The following KLF12 variants were observed in gnomAD, a reference collection of about 807,000 sequenced individuals.
KLF12 encodes the protein Krueppel-like factor 12.
In KLF12, 9 loss-of-function variants were observed where a neutral mutation model predicts 37.8. The ratio of observed to expected loss-of-function variants is 0.24; its 90% CI spans 0.14 to 0.42. The LOEUF is 0.42. KLF12 is among the 10% of genes least tolerant of loss of function. KLF12 has a pLI of 1.00. For synonymous variants in KLF12, 208 were observed against 202.1 expected (o/e 1.03, Z -0.25); for missense variants, 411 against 516.0 (o/e 0.80, Z 1.97).
intron 1 of KLF12, among the ~76,000 whole-genome samples, chr13:74,126,192 A>C (rs2139004875): frequency 6.6e-6 from 1 of 152,356 alleles, no homozygotes; most frequent in South Asian, 2.1e-4. Flanking sequence ...TACATATGAT[A>C]CATAGGCTAT....
At chr13:73,913,532 C>T (rs1378031426) in intron 3 of KLF12, among the ~76,000 whole-genome samples, 2 of 152,142 alleles carry the variant, frequency 1.3e-5, no homozygotes, top group African/African-American at 2.4e-5. Context: ...TTCCTTCCTA[C>T]CAATACAATG....
the KLF12 span, chr13:74,289,235 T>C: frequency 6.6e-6 from 1 of 152,198 alleles, no homozygotes; most frequent in Non-Finnish European, 1.5e-5. Context: ...AATTTTAAGT[T>C]AGAGAAGCCA....
intron 1 of KLF12, among the ~76,000 whole-genome samples, chr13:74,021,387 G>T (rs1412729091): frequency 1.3e-5 from 2 of 152,102 alleles, no homozygotes; most frequent in Non-Finnish European, 2.9e-5. Flanking sequence ...GCAGTTGATT[G>T]TAATTCCATG....
At chr13:74,121,519 T>A (rs1403297680) in intron 1 of KLF12, among the ~76,000 whole-genome samples, 1 of 152,016 alleles carries the variant, frequency 6.6e-6, no homozygotes, top group Non-Finnish European at 1.5e-5. Context: ...CAGCTATGCA[T>A]AAGATCAAAG....
At chr13:74,010,616 G>C (rs1432002198) in intron 1 of KLF12, among the ~76,000 whole-genome samples, 1 of 152,118 alleles carries the variant, frequency 6.6e-6, no homozygotes, top group Admixed American at 6.5e-5. Flanking sequence ...GGCGTTTGTA[G>C]TTATTATTTT....
chr13:73,706,590 A>T (rs1443378253), intron 7 of KLF12, among the ~76,000 whole-genome samples: 1 of 152,142 alleles, frequency 6.6e-6, no homozygotes, highest in South Asian at 2.1e-4. Context: ...TACCAATCCA[A>T]ATTTTTTGTT....
the KLF12 span, among the ~76,000 whole-genome samples, chr13:74,303,046 G>T: frequency 2.0e-5 from 3 of 152,050 alleles, no homozygotes; most frequent in South Asian, 6.2e-4. Flanking sequence ...ACGCCAAGTG[G>T]TATTGATTGT....
intron 1 of KLF12, among the ~76,000 whole-genome samples, chr13:74,085,255 CG>C (rs1875200366): frequency 6.6e-6 from 1 of 152,120 alleles, no homozygotes; most frequent in Non-Finnish European, 1.5e-5. Context: ...TATGCAAAAA[CG>C]GGGATACCTC....
chr13:74,287,188 G>A, the KLF12 span, among the ~76,000 whole-genome samples: 73 of 152,182 alleles, frequency 4.8e-4, no homozygotes, highest in Admixed American at 1.6e-3. Context: ...ACTAGGTAAG[G>A]GGCTGGCTGC....
rs145250663 is a variant in KLF12, at chr13:73,835,262, G to A, written c.670+10565C>T. Among the ~76,000 whole-genome samples the A allele has an allele frequency of 1.5e-3, 230 of 152,086 alleles. 1 individual carries two copies. The highest frequency in any genetic ancestry group is 5.3e-3 in the African/African-American group (219 of 41,466). On this transcript the variant is annotated intron_variant, in intron 4 of 7. Transcript: ENST00000377669. ...GGCATGGAAGAAAAAATAATTAGGGGCATGGTAGAAAAAATAACTAGATTA... is the reference window on the plus strand; with the variant it reads ...GGCATGGAAGAAAAAATAATTAGGGACATGGTAGAAAAAATAACTAGATTA...
the KLF12 span, among the ~76,000 whole-genome samples, chr13:74,192,486 G>A: frequency 6.6e-6 from 1 of 152,204 alleles, no homozygotes; most frequent in Admixed American, 6.5e-5. Context: ...AATGTGTAAG[G>A]TGTAGAGGCT....
the KLF12 span, among the ~76,000 whole-genome samples, chr13:74,296,318 G>A: frequency 6.6e-6 from 1 of 151,950 alleles, no homozygotes; most frequent in Non-Finnish European, 1.5e-5. Context: ...GTTAGAGTGG[G>A]GATTTGAACC....
chr13:74,245,908 A>T, the KLF12 span, among the ~76,000 whole-genome samples: 1 of 152,244 alleles, frequency 6.6e-6, no homozygotes, highest in East Asian at 1.9e-4. Context: ...TAAAGTATCA[A>T]TGAAAAACTA....
chr13:74,072,531 A>G (rs1263662809), intron 1 of KLF12, among the ~76,000 whole-genome samples: 1 of 151,536 alleles, frequency 6.6e-6, no homozygotes, highest in African/African-American at 2.4e-5. Flanking sequence ...TGAGGCCAGG[A>G]GTTCAAGACC....
chr13:74,291,141 A>G, the KLF12 span, among the ~76,000 whole-genome samples: 1 of 152,214 alleles, frequency 6.6e-6, no homozygotes, highest in Non-Finnish European at 1.5e-5. Context: ...TTTTTGTCCT[A>G]AGTGGGTTTT....
chr13:73,780,867 T>C (rs1880922057), intron 5 of KLF12, among the ~76,000 whole-genome samples: 2 of 152,230 alleles, frequency 1.3e-5, no homozygotes, highest in African/African-American at 2.4e-5. Context: ...ATTTAGAAGA[T>C]TACACAAACT....
In KLF12 at chr13:73,959,124, C is replaced by CAAAAAAAAAAAAAA. The variant is rs66521656; in HGVS notation, c.34-15055_34-15054insTTTTTTTTTTTTTT. 9.0e-4 allele frequency among the ~76,000 whole-genome samples: 78 copies of CAAAAAAAAAAAAAA among 86,862 alleles called. 4 individuals are homozygous for CAAAAAAAAAAAAAA. Among genetic ancestry groups the CAAAAAAAAAAAAAA allele is most frequent in the African/African-American group, 2.3e-3 (63 of 27,356 alleles). 57.0% of individuals were successfully genotyped at this position (86,862 alleles called of 152,430 possible). On this transcript the variant is annotated intron_variant, in intron 2 of 7. Transcript: ENST00000377669. The stretch of plus-strand genomic sequence containing the variant: ...ATCTCTGACCTCCACACCCCCCTTC[C>CAAAAAAAAAAAAAA]AAAAAAAAACGCAGGCAAGAAAGAC...
intron 1 of KLF12, among the ~76,000 whole-genome samples, chr13:73,999,167 G>A (rs534095838): frequency 4.9e-4 from 75 of 152,282 alleles, no homozygotes; most frequent in African/African-American, 1.8e-3. Flanking sequence ...TTCAAGTAAA[G>A]TCCACACATG....
At chr13:74,074,161 T>A (rs118183341) in intron 1 of KLF12, among the ~76,000 whole-genome samples, 1,521 of 150,866 alleles carry the variant, frequency 0.01, 13 homozygotes, top group Middle Eastern at 0.014. Context: ...AGAGAGAGAG[T>A]GTGTGTGTGT....
Sources: allele counts gnomAD v4.1 joint callset (sites outside exome capture counted in the v4.1 genomes callset), GRCh38; gene constraint gnomAD v4.1.1; transcripts MANE v1.5; gene names NCBI Gene and HGNC (gene_info 2026-07-23, HGNC 2026-07-21).